The following ATE1 variants were observed in gnomAD, a reference collection of about 807,000 sequenced individuals.
The protein encoded by ATE1 is arginyl-tRNA--protein transferase 1.
ATE1 carries 36 observed loss-of-function variants against 70.5 expected under a neutral mutation model. The ratio of observed to expected loss-of-function variants is 0.51; its 90% CI spans 0.39 to 0.67. The LOEUF is 0.67. ATE1 is among the 30% of genes least tolerant of loss of function. The pLI, the probability that ATE1 is intolerant of heterozygous loss-of-function variation, is 0.00. For missense variants in ATE1, 593 were observed against 629.5 expected (o/e 0.94, Z 0.62); for synonymous variants, 232 against 219.3 (o/e 1.06, Z -0.51).
At chr10:121,910,821 T>A in intron 5 of ATE1, 85 bp downstream of exon 5, 5 of 1,572,668 alleles carry the variant, frequency 3.2e-6, no homozygotes, top group Non-Finnish European at 4.3e-6. Flanking sequence ...GTCATCCTTT[T>A]GGCTGATGGA....
chr10:121,911,442 T>TAAAAAAAAAAAAAA (rs371014661), intron 4 of ATE1, among the ~76,000 whole-genome samples: 1 of 128,340 alleles, frequency 7.8e-6, no homozygotes, highest in Non-Finnish European at 1.6e-5. Flanking sequence ...TACAGTAAAT[T>TAAAAAAAAAAAAAA]AAAAAAAAAA....
intron 10 of ATE1, among the ~76,000 whole-genome samples, chr10:121,817,352 C>T (rs1235488554): frequency 6.6e-6 from 1 of 152,140 alleles, no homozygotes; most frequent in Non-Finnish European, 1.5e-5. Context: ...CACGGTGAAA[C>T]CCCGTCTCTA....
intron 8 of ATE1, among the ~76,000 whole-genome samples, chr10:121,849,966 G>A (rs1948990818): frequency 6.6e-6 from 1 of 152,126 alleles, no homozygotes; most frequent in South Asian, 2.1e-4. Flanking sequence ...CTGCAGCTAG[G>A]AGTTTGCCTT....
At chr10:121,824,196 ATC>A in intron 10 of ATE1, among the ~76,000 whole-genome samples, 1 of 152,346 alleles carries the variant, frequency 6.6e-6, no homozygotes, top group Admixed American at 6.5e-5. Flanking sequence ...TTCACAGGAC[ATC>A]TGACATCAAG....
chr10:121,818,690 C>G (rs983094910), intron 10 of ATE1, among the ~76,000 whole-genome samples: 18 of 152,176 alleles, frequency 1.2e-4, no homozygotes, highest in Admixed American at 1.2e-3. Flanking sequence ...GAAGACACTG[C>G]TAGTAAATGT....
At chr10:121,909,710 C>G (rs972448531) in intron 5 of ATE1, among the ~76,000 whole-genome samples, 6 of 152,058 alleles carry the variant, frequency 3.9e-5, no homozygotes, top group African/African-American at 1.4e-4. Context: ...ACCCTACCCC[C>G]CAGAGAGAAA....
At chr10:121,847,542 G>A (rs764960931) in intron 8 of ATE1, among the ~76,000 whole-genome samples, 1 of 151,598 alleles carries the variant, frequency 6.6e-6, no homozygotes, top group Non-Finnish European at 1.5e-5. Flanking sequence ...GGCAGATCAC[G>A]AGCTCAGGAG....
chr10:121,886,334 CTG>C (rs1198248786), intron 7 of ATE1, among the ~76,000 whole-genome samples: 1 of 150,912 alleles, frequency 6.6e-6, no homozygotes, highest in African/African-American at 2.4e-5. Flanking sequence ...GGGCTACTGT[CTG>C]TGTGGAGCTT....
chr10:121,781,478 C>A (rs1218189092), intron 11 of ATE1, among the ~76,000 whole-genome samples: 1 of 152,170 alleles, frequency 6.6e-6, no homozygotes, highest in Non-Finnish European at 1.5e-5. Flanking sequence ...AGATGTACAC[C>A]AGGTGTCTCA....
At position 121,820,900 on chromosome 10, in the gene ATE1, T is replaced by C. The variant is rs368812542; in HGVS notation, c.1257+15818A>G. 4.6e-5 allele frequency among the ~76,000 whole-genome samples: 7 copies of C among 152,344 alleles called. No individual in the cohort carries two copies. In the South Asian group the frequency reaches 1.0e-3, roughly 23 times the overall value. Reference sequence around the variant, plus strand: ...AAATCGTTTCTTTTATTGTACTAAATTGTAAAAGGTAAAACTATAAAATTC... The same window carrying C: ...AAATCGTTTCTTTTATTGTACTAAACTGTAAAAGGTAAAACTATAAAATTC... On this transcript the variant is annotated intron_variant, in intron 10 of 11. Transcript: ENST00000224652.
intron 5 of ATE1, among the ~76,000 whole-genome samples, chr10:121,910,410 C>T (rs1412360251): frequency 6.6e-6 from 1 of 151,830 alleles, no homozygotes; most frequent in Non-Finnish European, 1.5e-5. Context: ...TAAGTAATAA[C>T]ATAAAAAAAT....
intron 7 of ATE1, among the ~76,000 whole-genome samples, chr10:121,880,368 C>G (rs1267217002): frequency 1.3e-5 from 2 of 151,904 alleles, no homozygotes; most frequent in African/African-American, 4.8e-5. Context: ...CATACAAGAA[C>G]CAAACATGTC....
At chr10:121,860,693 G>A (rs1427891615) in intron 8 of ATE1, among the ~76,000 whole-genome samples, 2 of 152,156 alleles carry the variant, frequency 1.3e-5, no homozygotes, top group South Asian at 2.1e-4. Flanking sequence ...ATATCAGGAC[G>A]TTGTTATTTA....
chr10:121,867,280 C>T (rs929017979), intron 8 of ATE1, among the ~76,000 whole-genome samples: 1 of 152,182 alleles, frequency 6.6e-6, no homozygotes, highest in Non-Finnish European at 1.5e-5. Flanking sequence ...TATTAAGAAG[C>T]ATCTTTGCCA....
intron 11 of ATE1, among the ~76,000 whole-genome samples, chr10:121,781,014 T>C (rs928840227): frequency 1.3e-5 from 2 of 152,174 alleles, no homozygotes; most frequent in African/African-American, 4.8e-5. Context: ...TAAATTTATG[T>C]TTCTATTTTT....
At chr10:121,797,000 A>C (rs1443685507) in intron 10 of ATE1, among the ~76,000 whole-genome samples, 1 of 152,248 alleles carries the variant, frequency 6.6e-6, no homozygotes, top group Non-Finnish European at 1.5e-5. Context: ...ATTCAGCCTA[A>C]AAATTAAAAT....
Position 121,836,821 on chromosome 10 carries a change from C to G in ATE1, c.1158-4G>C. ...CTGCCTAGTAAAAGCAATTTCTCTGCGAAAAGAAAAAGAAGAAAGCTGAAG... is the reference window on the plus strand; with the variant it reads ...CTGCCTAGTAAAAGCAATTTCTCTGGGAAAAGAAAAAGAAGAAAGCTGAAG... On this transcript the variant is annotated splice_region_variant and splice_polypyrimidine_tract_variant and intron_variant, in intron 9 of 11. Coordinates refer to ENST00000224652, the MANE Select transcript of ATE1 (RefSeq NM_001001976.3). 1.3e-6 allele frequency: 2 copies of G among 1,581,058 alleles called. No individual in the cohort carries two copies. Among genetic ancestry groups the G allele is most frequent in the South Asian group, 1.2e-5 (1 of 85,786 alleles).
intron 7 of ATE1, among the ~76,000 whole-genome samples, chr10:121,878,814 T>G (rs1026132816): frequency 9.9e-5 from 15 of 152,158 alleles, no homozygotes; most frequent in Admixed American, 7.2e-4. Context: ...TTTTACATAC[T>G]GAGATCCAAA....
chr10:121,743,581 T>C lies in ATE1; in HGVS notation c.*99A>G. 3 of 1,395,808 alleles carry C rather than the reference T, an allele frequency of 2.1e-6. No individual in the cohort carries two copies. 86.5% of individuals were successfully genotyped at this position (1,395,808 alleles called of 1,614,324 possible). A position where few individuals can be genotyped will look rare whatever the true frequency, so the allele number is the denominator to read the frequency against. ...GATAGTCAAAATAAAAAATGTCTAA[T>C]TTGTGGGTGGTGACAGTTATTTCCC... On this transcript the variant is annotated 3_prime_UTR_variant, in exon 12 of 12. Transcript: ENST00000224652.
Sources: allele counts gnomAD v4.1 joint callset (sites outside exome capture counted in the v4.1 genomes callset), GRCh38; gene constraint gnomAD v4.1.1; transcripts MANE v1.5; gene names NCBI Gene and HGNC (gene_info 2026-07-23, HGNC 2026-07-21).